CTNNA3: variants seen among roughly 807,000 people sequenced by gnomAD.
The protein encoded by CTNNA3 is catenin alpha-3.
In CTNNA3, 76 loss-of-function variants were observed where a neutral mutation model predicts 95.7. That is an observed-to-expected ratio of 0.79 (90% CI 0.66 to 0.96). CTNNA3 has a LOEUF of 0.96. Among genes scored for constraint, CTNNA3 ranks in the 40% least tolerant of loss-of-function variants. CTNNA3 has a pLI of 0.00. For missense variants in CTNNA3, 1,191 were observed against 1,089.8 expected, an observed-to-expected ratio of 1.09 and a Z score of -1.31; for synonymous variants, 431 against 374.4, an observed-to-expected ratio of 1.15 and a Z score of -1.74.
chr10:66,125,753 G>C (rs1185800678), intron 13 of CTNNA3, among the ~76,000 whole-genome samples: 1 of 152,144 alleles, frequency 6.6e-6, no homozygotes, highest in South Asian at 2.1e-4. Context: ...CACCTGAAAA[G>C]GCTACAGACT....
rs1158769106 is a variant in CTNNA3 at position 67,744,103 on chromosome 10, A to G, written c.-2+19331T>C. 4.0e-5 allele frequency among the ~76,000 whole-genome samples: 6 copies of G among 151,370 alleles called. 1 individual carries two copies. The highest frequency in any genetic ancestry group is 8.9e-5 in the Non-Finnish European group (6 of 67,768). ...CAAGGTAATTTATAGATTCAATGCC[A>G]TCCCCATCAAGCTGCCAATGACTTT... On this transcript the variant is annotated intron_variant, in intron 1 of 17. Coordinates refer to the CTNNA3 transcript ENST00000684154.
At chr10:65,948,601 T>G (rs1670140) in intron 17 of CTNNA3, among the ~76,000 whole-genome samples, 1 of 151,904 alleles carries the variant, frequency 6.6e-6, no homozygotes, top group African/African-American at 2.4e-5. Flanking sequence ...GGTCATATTA[T>G]TACCACAAAT....
chr10:66,669,583 T>A (rs1167778787), intron 9 of CTNNA3, among the ~76,000 whole-genome samples: 1 of 151,942 alleles, frequency 6.6e-6, no homozygotes, highest in Non-Finnish European at 1.5e-5. Flanking sequence ...AGTTAAAAAA[T>A]AATCTAAAGT....
chr10:66,409,084 C>G (rs2093079680), intron 11 of CTNNA3, among the ~76,000 whole-genome samples: 1 of 152,148 alleles, frequency 6.6e-6, no homozygotes, highest in African/African-American at 2.4e-5. Context: ...CTTCTATTGA[C>G]ATTTTCTGGG....
At chr10:67,354,283 A>C (rs574693982) in intron 5 of CTNNA3, among the ~76,000 whole-genome samples, 1 of 152,122 alleles carries the variant, frequency 6.6e-6, no homozygotes, top group African/African-American at 2.4e-5. Context: ...ATAACCCTAC[A>C]AGGTTGCTGC....
intron 7 of CTNNA3, among the ~76,000 whole-genome samples, chr10:66,934,745 G>A (rs1847594666): frequency 6.6e-6 from 1 of 152,098 alleles, no homozygotes; most frequent in African/African-American, 2.4e-5. Flanking sequence ...GTCTTCTCAA[G>A]GGTAAAATAT....
intron 10 of CTNNA3, among the ~76,000 whole-genome samples, chr10:66,580,573 T>G (rs557810238): frequency 1.3e-5 from 2 of 151,894 alleles, no homozygotes; most frequent in African/African-American, 2.4e-5. Context: ...TTAAATGTAT[T>G]TTTTTATTCA....
At chr10:67,521,770 A>T in intron 5 of CTNNA3, 72 bp downstream of exon 5, 3 of 1,554,544 alleles carry the variant, frequency 1.9e-6, no homozygotes, top group Non-Finnish European at 1.7e-6. Flanking sequence ...ACCCACCTGC[A>T]CCTCTGACAG....
chr10:66,805,001 C>G (rs770504071), intron 7 of CTNNA3, among the ~76,000 whole-genome samples: 13 of 152,040 alleles, frequency 8.6e-5, no homozygotes, highest in Non-Finnish European at 1.5e-4. Flanking sequence ...TCCTACCTGA[C>G]TTATGTATGT....
At chr10:67,447,322 A>AT (rs1234437577) in intron 5 of CTNNA3, among the ~76,000 whole-genome samples, 3 of 152,156 alleles carry the variant, frequency 2.0e-5, no homozygotes, top group East Asian at 3.9e-4. Flanking sequence ...AAAGAATGAG[A>AT]TTTTTTTCTT....
intron 7 of CTNNA3, among the ~76,000 whole-genome samples, chr10:67,126,039 C>T (rs2132005902): frequency 6.6e-6 from 1 of 152,188 alleles, no homozygotes; most frequent in Non-Finnish European, 1.5e-5. Flanking sequence ...GTGGATCAAT[C>T]ATATCATGAA....
At chr10:67,709,807 A>T (rs922840551) in intron 1 of CTNNA3, among the ~76,000 whole-genome samples, 1 of 152,138 alleles carries the variant, frequency 6.6e-6, no homozygotes, top group African/African-American at 2.4e-5. Context: ...ATAAATTCCC[A>T]CTTGCCCATG....
chr10:66,505,474 GA>G (rs938919768), intron 11 of CTNNA3, among the ~76,000 whole-genome samples: 3 of 151,952 alleles, frequency 2.0e-5, no homozygotes, highest in East Asian at 1.9e-4. Flanking sequence ...TGACTCAGGG[GA>G]AAAAAATCTT....
At chr10:67,027,814 T>C (rs1280085911) in intron 7 of CTNNA3, among the ~76,000 whole-genome samples, 1 of 152,194 alleles carries the variant, frequency 6.6e-6, no homozygotes, top group Non-Finnish European at 1.5e-5. Context: ...AAAGAGTATA[T>C]TCGTTTTTTC....
intron 7 of CTNNA3, among the ~76,000 whole-genome samples, chr10:66,799,310 G>A (rs1383633893): frequency 2.6e-5 from 4 of 151,338 alleles, no homozygotes; most frequent in Non-Finnish European, 5.9e-5. Context: ...TGAAGTTAAC[G>A]GACAAGGACT....
intron 10 of CTNNA3, among the ~76,000 whole-genome samples, chr10:66,533,886 C>G (rs1841555124): frequency 6.6e-6 from 1 of 152,076 alleles, no homozygotes; most frequent in South Asian, 2.1e-4. Context: ...GCCTGGGCAA[C>G]ATAGCAAGAC....
chr10:66,684,646 A>C (rs1288723052), intron 9 of CTNNA3, among the ~76,000 whole-genome samples: 3 of 152,170 alleles, frequency 2.0e-5, no homozygotes, highest in Non-Finnish European at 4.4e-5. Flanking sequence ...AGAAGTGATA[A>C]AACTCTGTGA....
chr10:67,271,120 T>C (rs1464166805), intron 5 of CTNNA3, among the ~76,000 whole-genome samples: 1 of 152,174 alleles, frequency 6.6e-6, no homozygotes, highest in Non-Finnish European at 1.5e-5. Flanking sequence ...TCACATCCAC[T>C]GGAAACAAAA....
intron 13 of CTNNA3, among the ~76,000 whole-genome samples, chr10:66,115,156 G>A (rs553646090): frequency 1.3e-5 from 2 of 152,262 alleles, no homozygotes; most frequent in Admixed American, 1.3e-4. Flanking sequence ...TAGTATAGCT[G>A]GCCTTGTCAC....
Sources: gnomAD v4.1 joint callset for allele counts (sites outside exome capture counted in the v4.1 genomes callset) on GRCh38, gnomAD v4.1.1 for gene constraint, MANE v1.5 for transcripts, NCBI Gene and HGNC (gene_info 2026-07-23, HGNC 2026-07-21) for gene names.